Variants in DDX10 observed in about 807,000 individuals in gnomAD.
DDX10 encodes probable ATP-dependent RNA helicase DDX10.
In DDX10, 74 loss-of-function variants were observed where a neutral mutation model predicts 104.3. That is an observed-to-expected ratio of 0.71 (90% confidence interval 0.59 to 0.86). The LOEUF (loss-of-function observed/expected upper bound fraction) is 0.86. Ranked by LOEUF, DDX10 falls within the 40% of genes least tolerant of loss-of-function variation. The pLI is 0.00. For missense variants in DDX10, 952 were observed against 1,040.0 expected (o/e 0.92, Z 1.16); for synonymous variants, 351 against 353.4 (o/e 0.99, Z 0.08).
chr11:108,814,325 A>G (rs1488070744), intron 13 of DDX10, among the ~76,000 whole-genome samples: 1 of 152,162 alleles, frequency 6.6e-6, no homozygotes, highest in African/African-American at 2.4e-5. Flanking sequence ...CTCTATTTGT[A>G]ACCATGCCAT....
At chr11:108,796,097 G>A (rs1168106881) in intron 13 of DDX10, among the ~76,000 whole-genome samples, 7 of 152,148 alleles carry the variant, frequency 4.6e-5, no homozygotes, top group Non-Finnish European at 8.8e-5. Flanking sequence ...TTGATAGGAA[G>A]CTGTTAATAG....
intron 13 of DDX10, among the ~76,000 whole-genome samples, chr11:108,757,262 CAA>C (rs982786922): frequency 6.6e-6 from 1 of 152,026 alleles, no homozygotes; most frequent in African/African-American, 2.4e-5. Flanking sequence ...CGTTGCATTT[CAA>C]AGTTTCCGAC....
intron 10 of DDX10, among the ~76,000 whole-genome samples, chr11:108,713,761 A>G (rs1174705175): frequency 6.6e-6 from 1 of 152,160 alleles, no homozygotes; most frequent in Non-Finnish European, 1.5e-5. Context: ...GAATTGCTGT[A>G]AATAGGCCTT....
intron 13 of DDX10, among the ~76,000 whole-genome samples, chr11:108,829,804 T>C (rs1862444479): frequency 1.3e-5 from 2 of 152,208 alleles, no homozygotes; most frequent in Admixed American, 1.3e-4. Flanking sequence ...ACATGTGGCT[T>C]GCCAGTTATA....
At chr11:108,861,211 C>T (rs1489906933) in intron 16 of DDX10, among the ~76,000 whole-genome samples, 1 of 151,972 alleles carries the variant, frequency 6.6e-6, no homozygotes, top group Non-Finnish European at 1.5e-5. Flanking sequence ...ATCTCTCTCC[C>T]TTGCTGGATG....
chr11:108,800,796 T>C (rs1862010678), intron 13 of DDX10, among the ~76,000 whole-genome samples: 4 of 152,316 alleles, frequency 2.6e-5, no homozygotes, highest in East Asian at 1.9e-4. Context: ...ATTTCCACTT[T>C]CTTAGTTGAT....
chr11:108,872,457 G>C (rs530160503), intron 16 of DDX10, among the ~76,000 whole-genome samples: 1 of 152,296 alleles, frequency 6.6e-6, no homozygotes, highest in South Asian at 2.1e-4. Flanking sequence ...AGTTTGTGTA[G>C]GGGGGTGGAA....
intron 13 of DDX10, among the ~76,000 whole-genome samples, chr11:108,789,532 T>C (rs927105434): frequency 9.2e-5 from 14 of 152,330 alleles, no homozygotes; most frequent in African/African-American, 3.4e-4. Context: ...ATTAGACATA[T>C]TTTATAAGTT....
At chr11:108,781,653 A>G (rs1391455910) in intron 13 of DDX10, among the ~76,000 whole-genome samples, 3 of 152,158 alleles carry the variant, frequency 2.0e-5, no homozygotes, top group African/African-American at 7.2e-5. Flanking sequence ...TGCCTTTTTA[A>G]AAGAGAAACT....
intron 16 of DDX10, among the ~76,000 whole-genome samples, chr11:108,913,792 T>C (rs1004597639): frequency 2.0e-5 from 3 of 152,228 alleles, no homozygotes. Flanking sequence ...TAGGCTTTGC[T>C]AAAAAGACAT....
intron 13 of DDX10, among the ~76,000 whole-genome samples, chr11:108,743,151 T>C (rs2615740): frequency 0.12 from 18,709 of 152,058 alleles, 1,555 homozygotes; most frequent in East Asian, 0.27. Flanking sequence ...GCAAACTGAA[T>C]CCAGTGGCAC....
At chr11:108,897,475 T>A (rs1352075702) in intron 16 of DDX10, among the ~76,000 whole-genome samples, 1 of 152,202 alleles carries the variant, frequency 6.6e-6, no homozygotes, top group South Asian at 2.1e-4. Context: ...ATGTTTCTTT[T>A]TTCTTTCCCC....
intron 16 of DDX10, among the ~76,000 whole-genome samples, chr11:108,882,333 C>G (rs1039359528): frequency 6.6e-6 from 1 of 152,184 alleles, no homozygotes; most frequent in African/African-American, 2.4e-5. Context: ...AAAGATAACT[C>G]TCGACGCCAG....
At chr11:108,671,801 T>A (rs569593877) in intron 1 of DDX10, among the ~76,000 whole-genome samples, 1 of 152,104 alleles carries the variant, frequency 6.6e-6, no homozygotes, top group South Asian at 2.1e-4. Flanking sequence ...ATATGGCGCC[T>A]GTAATCCCAG....
At chr11:108,683,415 A>G (rs141012478) in intron 6 of DDX10, among the ~76,000 whole-genome samples, 1 of 152,184 alleles carries the variant, frequency 6.6e-6, no homozygotes, top group Admixed American at 6.5e-5. Context: ...CCTGTCTTGC[A>G]ATCAGCAAAT....
chr11:108,739,056 AAC>A (rs1364287652), intron 13 of DDX10, among the ~76,000 whole-genome samples: 1 of 152,144 alleles, frequency 6.6e-6, no homozygotes, highest in Non-Finnish European at 1.5e-5. Flanking sequence ...CTGGTCAGGA[AAC>A]AACTCTGCCC....
chr11:108,902,004 C>CTGTA (rs1863522719), intron 16 of DDX10, among the ~76,000 whole-genome samples: 1 of 152,170 alleles, frequency 6.6e-6, no homozygotes, highest in African/African-American at 2.4e-5. Flanking sequence ...AATGAAAGGA[C>CTGTA]TGTATTGTTC....
intron 10 of DDX10, 149 bp from the exon 11 acceptor site, chr11:108,715,730 G>A (rs2094290486): frequency 5.2e-6 from 3 of 577,920 alleles, no homozygotes; most frequent in Admixed American, 3.1e-5. Flanking sequence ...TCAAACTTAT[G>A]TCTAGTTTAA....
intron 13 of DDX10, among the ~76,000 whole-genome samples, chr11:108,815,981 T>C (rs574191392): frequency 6.6e-6 from 1 of 152,352 alleles, no homozygotes; most frequent in South Asian, 2.1e-4. Context: ...AAACTTTTCT[T>C]GCTATGGTCT....
Sources: gnomAD v4.1 joint callset for allele counts (sites outside exome capture counted in the v4.1 genomes callset) on GRCh38, gnomAD v4.1.1 for gene constraint, MANE v1.5 for transcripts, NCBI Gene and HGNC (gene_info 2026-07-23, HGNC 2026-07-21) for gene names.